Variants in WWC2 observed in about 807,000 individuals in gnomAD.
The protein encoded by WWC2 is protein WWC2.
A neutral mutation model predicts 138.5 loss-of-function variants in WWC2; 101 were observed. The ratio of observed to expected loss-of-function variants is 0.73; its 90% CI spans 0.62 to 0.86. The LOEUF (loss-of-function observed/expected upper bound fraction) is 0.86, where lower values mean the gene tolerates loss of function less well. WWC2 is among the 40% of genes least tolerant of loss of function. WWC2 has a pLI of 0.00. For missense variants in WWC2, 1,420 were observed against 1,419.4 expected (o/e 1.00, Z -0.01); for synonymous variants, 558 against 538.4 (o/e 1.04, Z -0.50).
At chr4:183,278,477 A>G (rs1737942545) in intron 16 of WWC2, among the ~76,000 whole-genome samples, 2 of 152,122 alleles carry the variant, frequency 1.3e-5, no homozygotes, top group African/African-American at 2.4e-5. Context: ...TTTTGGTTCC[A>G]TATGAACTTT....
chr4:183,296,939 A>C, intron 21 of WWC2, among the ~76,000 whole-genome samples: 1 of 17,180 alleles, frequency 5.8e-5, no homozygotes, highest in East Asian at 9.2e-4. Flanking sequence ...GTCTCAAAAA[A>C]AAAAAAAAAA....
chr4:183,217,486 A>G (rs1735790036), intron 4 of WWC2, among the ~76,000 whole-genome samples: 2 of 152,196 alleles, frequency 1.3e-5, no homozygotes, highest in South Asian at 2.1e-4. Context: ...AAAAGAAGAA[A>G]TGACAGGTAC....
intron 4 of WWC2, among the ~76,000 whole-genome samples, chr4:183,229,610 A>G (rs1035717407): frequency 6.6e-6 from 1 of 152,088 alleles, no homozygotes; most frequent in African/African-American, 2.4e-5. Context: ...TGAGAAGGGC[A>G]TGTCACCTCT....
chr4:183,291,265 C>T (rs981892314), intron 21 of WWC2, among the ~76,000 whole-genome samples: 2 of 152,084 alleles, frequency 1.3e-5, no homozygotes, highest in African/African-American at 4.8e-5. Flanking sequence ...AGCTTCACAG[C>T]GGGGAGAGGC....
chr4:183,160,858 A>G (rs1463819343), intron 1 of WWC2, among the ~76,000 whole-genome samples: 3 of 152,202 alleles, frequency 2.0e-5, no homozygotes, highest in Admixed American at 6.5e-5. Context: ...ATGATCATCA[A>G]ATATTTAATA....
intron 9 of WWC2, among the ~76,000 whole-genome samples, chr4:183,256,922 A>G (rs971877092): frequency 1.1e-5 from 1 of 87,230 alleles, no homozygotes; most frequent in African/African-American, 4.2e-5. Flanking sequence ...TCCTGCCCCC[A>G]CAGGGCTGCA....
At chr4:183,175,450 A>T (rs1319122497) in intron 1 of WWC2, among the ~76,000 whole-genome samples, 1 of 151,968 alleles carries the variant, frequency 6.6e-6, no homozygotes, top group African/African-American at 2.4e-5. Flanking sequence ...TTTTGTAGAG[A>T]TGGGGTTTTA....
At chr4:183,180,822 G>C (rs1256635511) in intron 1 of WWC2, among the ~76,000 whole-genome samples, 1 of 151,678 alleles carries the variant, frequency 6.6e-6, no homozygotes, top group Non-Finnish European at 1.5e-5. Context: ...GCTGCCTGGG[G>C]CGGGGGCGGG....
chr4:183,223,726 C>CT (rs1305583889), intron 4 of WWC2, among the ~76,000 whole-genome samples: 1 of 151,644 alleles, frequency 6.6e-6, no homozygotes, highest in East Asian at 1.9e-4. Context: ...TATTTATTGT[C>CT]TTTTTTTGAG....
intron 1 of WWC2, among the ~76,000 whole-genome samples, chr4:183,183,080 AG>A (rs1734684834): frequency 6.6e-6 from 1 of 152,258 alleles, no homozygotes; most frequent in Admixed American, 6.5e-5. Context: ...AACATGCCTT[AG>A]GTGGCAGCTG....
At chr4:183,178,079 T>G (rs6552649) in intron 1 of WWC2, among the ~76,000 whole-genome samples, 14 of 152,218 alleles carry the variant, frequency 9.2e-5, no homozygotes, top group South Asian at 6.2e-4. Context: ...CAGAAATGCA[T>G]TGATCATGTG....
intron 1 of WWC2, among the ~76,000 whole-genome samples, chr4:183,104,025 T>C (rs1743273797): frequency 6.6e-6 from 1 of 151,716 alleles, no homozygotes; most frequent in Non-Finnish European, 1.5e-5. Flanking sequence ...AATGGCGCGA[T>C]GTTGGCTCAC....
At chr4:183,126,900 T>TG (rs969317235) in intron 1 of WWC2, among the ~76,000 whole-genome samples, 1 of 150,638 alleles carries the variant, frequency 6.6e-6, no homozygotes, top group Non-Finnish European at 1.5e-5. Flanking sequence ...AGCTAATTTT[T>TG]TTTTTTTTTT....
intron 1 of WWC2, among the ~76,000 whole-genome samples, chr4:183,117,634 T>G (rs552480573): frequency 4.7e-4 from 72 of 151,672 alleles, no homozygotes; most frequent in Middle Eastern, 3.4e-3. Context: ...TTTTTTTTTT[T>G]TTGTTTAAAA....
chr4:183,244,582 T>TAGAG (rs1464451619), intron 5 of WWC2, among the ~76,000 whole-genome samples: 81 of 149,702 alleles, frequency 5.4e-4, no homozygotes, highest in African/African-American at 1.9e-3. Flanking sequence ...TATATATATA[T>TAGAG]ATAGAGAGAG....
At chr4:183,182,292 T>C (rs1256836625) in intron 1 of WWC2, among the ~76,000 whole-genome samples, 4 of 152,218 alleles carry the variant, frequency 2.6e-5, no homozygotes, top group African/African-American at 2.4e-5. Context: ...GACTGAATAC[T>C]GAAGCCTCTT....
intron 4 of WWC2, among the ~76,000 whole-genome samples, chr4:183,221,221 AATAG>A (rs1322006626): frequency 2.0e-5 from 3 of 152,234 alleles, no homozygotes; most frequent in East Asian, 1.9e-4. Flanking sequence ...TATAATCATA[AATAG>A]ATCAGTTCAT....
Position 183,299,354 on chromosome 4 carries a change from C to G in WWC2, c.3384+9719C>G, listed in dbSNP as rs557282723. ...GTAGCAGATGCCAAGCCCGCTGCCCCTCCGTCTTTGCTTCCTTCTGCTACT... is the reference window on the plus strand; with the variant it reads ...GTAGCAGATGCCAAGCCCGCTGCCCGTCCGTCTTTGCTTCCTTCTGCTACT... On this transcript the variant is annotated intron_variant, in intron 21 of 22. Coordinates refer to ENST00000403733, the MANE Select transcript of WWC2 (RefSeq NM_024949.6). 2.0e-4 allele frequency among the ~76,000 whole-genome samples: 31 copies of G among 152,252 alleles called. 1 individual carries two copies. The South Asian group carries it at 4.4e-3, about 21-fold the overall frequency.
At chr4:183,284,186 C>G in intron 18 of WWC2, 40 bp from the exon 19 acceptor site, 2 of 1,602,864 alleles carry the variant, frequency 1.2e-6, no homozygotes, top group Non-Finnish European at 1.7e-6. Context: ...AATGTTTACA[C>G]ATCTTTCAGC....
Sources: gnomAD v4.1 joint callset for allele counts (sites outside exome capture counted in the v4.1 genomes callset) on GRCh38, gnomAD v4.1.1 for gene constraint, MANE v1.5 for transcripts, NCBI Gene and HGNC (gene_info 2026-07-23, HGNC 2026-07-21) for gene names.